NDUFS4: variants seen among roughly 807,000 people sequenced by gnomAD.
NDUFS4 encodes NADH dehydrogenase [ubiquinone] iron-sulfur protein 4, mitochondrial.
In NDUFS4, 28 loss-of-function variants were observed where a neutral mutation model predicts 24.3. The ratio of observed to expected loss-of-function variants is 1.15; its 90% CI spans 0.85 to 1.58. NDUFS4 has a LOEUF of 1.58. Among genes scored for constraint, NDUFS4 ranks in the 40% most tolerant of loss-of-function variants. The probability of loss-of-function intolerance (pLI) is 0.00; values close to 1 mark genes in which losing one functional copy is unlikely to be tolerated. For synonymous variants in NDUFS4, 93 were observed against 69.7 expected (o/e 1.34, Z -1.67); for missense variants, 223 against 207.9 (o/e 1.07, Z -0.45).
intron 2 of NDUFS4, among the ~76,000 whole-genome samples, chr5:53,603,921 A>C (rs944467829): frequency 1.3e-5 from 2 of 152,134 alleles, no homozygotes; most frequent in African/African-American, 4.8e-5. Flanking sequence ...AGCATGCAAC[A>C]TTTATTATCA....
chr5:53,623,883 T>A (rs1751133974), intron 2 of NDUFS4, among the ~76,000 whole-genome samples: 1 of 152,156 alleles, frequency 6.6e-6, no homozygotes, highest in Non-Finnish European at 1.5e-5. Flanking sequence ...CATGCCCTCC[T>A]AATTTTTGTA....
chr5:53,584,134 A>G (rs1007807357), intron 1 of NDUFS4, among the ~76,000 whole-genome samples: 3 of 152,200 alleles, frequency 2.0e-5, no homozygotes, highest in Non-Finnish European at 4.4e-5. Flanking sequence ...TACCTTTTTC[A>G]TAGAAATTAC....
intron 2 of NDUFS4, among the ~76,000 whole-genome samples, chr5:53,626,793 G>C (rs551594540): frequency 6.6e-6 from 1 of 152,244 alleles, no homozygotes; most frequent in South Asian, 2.1e-4. Flanking sequence ...TCCTTTGTCA[G>C]ATTGATAGAT....
chr5:53,579,062 A>G (rs913989830), intron 1 of NDUFS4, among the ~76,000 whole-genome samples: 1 of 152,198 alleles, frequency 6.6e-6, no homozygotes, highest in Non-Finnish European at 1.5e-5. Flanking sequence ...TGCTAATTGA[A>G]TATTTTCTTC....
chr5:53,568,010 CAT>C (rs1385332416), intron 1 of NDUFS4, among the ~76,000 whole-genome samples: 9 of 152,080 alleles, frequency 5.9e-5, no homozygotes, highest in African/African-American at 2.4e-5. Flanking sequence ...TTCATCTAAA[CAT>C]ATGAATAATT....
intron 1 of NDUFS4, among the ~76,000 whole-genome samples, chr5:53,583,939 A>G (rs1749656820): frequency 6.6e-6 from 1 of 152,202 alleles, no homozygotes; most frequent in Non-Finnish European, 1.5e-5. Flanking sequence ...TTCAAGTAAT[A>G]TGTTAAATGT....
rs140575484 is a variant in NDUFS4, at chr5:53,646,242, A to G, written c.187A>G (p.Thr63Ala). The G allele has an allele frequency of 8.7e-6, 14 of 1,609,418 alleles. No homozygotes were observed. The highest frequency in any genetic ancestry group is 6.7e-5 in the African/African-American group (5 of 74,742). The change falls in exon 3 of 5, where the codon ACT becomes GCT. Residue 63 changes from threonine to alanine, a missense_variant. Transcript: ENST00000296684. ...ITVDEKLDIT[T>A]LTGVPEEHIK... ...TCTTGTTTTTCTGTAGGATATCACT[A>G]CTTTAACTGGAGTTCCAGAAGAGCA... is the stretch of plus-strand genomic sequence containing the variant.
chr5:53,569,451 G>GTTAACTCTGGAGTTATAGTTCATAGATT, intron 1 of NDUFS4, among the ~76,000 whole-genome samples: 1 of 152,042 alleles, frequency 6.6e-6, no homozygotes, highest in Non-Finnish European at 1.5e-5. Flanking sequence ...ATCTTTGTAG[G>GTTAACTCTGGAGTTATAGTTCATAGATT]TTAACTCTGG....
At chr5:53,619,414 A>C (rs550640130) in intron 2 of NDUFS4, among the ~76,000 whole-genome samples, 1 of 139,632 alleles carries the variant, frequency 7.2e-6, no homozygotes, top group South Asian at 2.4e-4. Flanking sequence ...TTGAACCCAG[A>C]AGGCGGAGGT....
At chr5:53,607,367 A>G (rs764242217) in intron 2 of NDUFS4, among the ~76,000 whole-genome samples, 2 of 152,188 alleles carry the variant, frequency 1.3e-5, no homozygotes, top group Non-Finnish European at 2.9e-5. Context: ...ACTATGCTCA[A>G]TACTTGGTTG....
rs564682643 is a variant in NDUFS4 at position 53,612,608 on chromosome 5, A to G, written c.177+9078A>G. On this transcript the variant is annotated intron_variant, in intron 2 of 4. Coordinates refer to ENST00000296684, the MANE Select transcript of NDUFS4 (RefSeq NM_002495.4). ...GTTGTCAGTATTCTGAATGTTGCCA[A>G]TTGGTTGTATTTTGCTACTTGAAAA... Among the ~76,000 whole-genome samples, 127 of 152,184 alleles carry G rather than the reference A, an allele frequency of 8.3e-4. 1 individual carries two copies. The highest frequency in any genetic ancestry group is 2.9e-3 in the African/African-American group (122 of 41,554).
At chr5:53,589,958 T>C (rs576178766) in intron 1 of NDUFS4, among the ~76,000 whole-genome samples, 81 of 152,312 alleles carry the variant, frequency 5.3e-4, no homozygotes, top group Admixed American at 1.1e-3. Context: ...GACCTTGTGA[T>C]GGTGTGAGTT....
At chr5:53,658,149 A>T (rs1404713943) in intron 3 of NDUFS4, among the ~76,000 whole-genome samples, 1 of 152,082 alleles carries the variant, frequency 6.6e-6, no homozygotes, top group Non-Finnish European at 1.5e-5. Flanking sequence ...AAGTTAATTT[A>T]AAAAAAGAAT....
At chr5:53,614,217 T>A (rs443254) in intron 2 of NDUFS4, among the ~76,000 whole-genome samples, 31,012 of 151,862 alleles carry the variant, frequency 0.2, 3,686 homozygotes, top group East Asian at 0.46. Context: ...TAATTATTTC[T>A]AAATTCTTTA....
chr5:53,669,848 T>C (rs1752615354), intron 4 of NDUFS4, among the ~76,000 whole-genome samples: 2 of 152,206 alleles, frequency 1.3e-5, no homozygotes, highest in African/African-American at 4.8e-5. Context: ...TAAATGATTC[T>C]CCAGATTATG....
At chr5:53,645,667 G>T (rs112470278) in intron 2 of NDUFS4, among the ~76,000 whole-genome samples, 3 of 152,178 alleles carry the variant, frequency 2.0e-5, no homozygotes, top group Non-Finnish European at 2.9e-5. Flanking sequence ...TTCACCAAAG[G>T]GGGGAGATAC....
chr5:53,642,801 AG>A (rs1411693608), intron 2 of NDUFS4, among the ~76,000 whole-genome samples: 1 of 152,134 alleles, frequency 6.6e-6, no homozygotes, highest in Non-Finnish European at 1.5e-5. Context: ...GTGAAATGGC[AG>A]GTCAGCTATC....
At chr5:53,598,021 A>C (rs1305685489) in intron 1 of NDUFS4, among the ~76,000 whole-genome samples, 1 of 152,168 alleles carries the variant, frequency 6.6e-6, no homozygotes, top group African/African-American at 2.4e-5. Flanking sequence ...GTCATATGTC[A>C]TTCGGGAATT....
At chr5:53,586,924 A>C (rs1681139891) in intron 1 of NDUFS4, among the ~76,000 whole-genome samples, 3 of 150,948 alleles carry the variant, frequency 2.0e-5, no homozygotes, top group Admixed American at 2.0e-4. Flanking sequence ...CCCGGGTTCA[A>C]ATGATTCTTC....
Sources: allele counts gnomAD v4.1 joint callset (sites outside exome capture counted in the v4.1 genomes callset), GRCh38; gene constraint gnomAD v4.1.1; transcripts MANE v1.5; gene names NCBI Gene and HGNC (gene_info 2026-07-23, HGNC 2026-07-21).